Variants in RFX3 observed in about 807,000 individuals in gnomAD.
The protein encoded by RFX3 is transcription factor RFX3.
In RFX3, 14 loss-of-function variants were observed where a neutral mutation model predicts 98.6. The ratio of observed to expected loss-of-function variants is 0.14; its 90% CI spans 0.09 to 0.22. The LOEUF is 0.22. RFX3 is among the 10% of genes least tolerant of loss of function. RFX3 has a pLI of 1.00. For missense variants in RFX3, 639 were observed against 926.9 expected (o/e 0.69, Z 4.03); for synonymous variants, 383 against 328.4 (o/e 1.17, Z -1.80).
chr9:3,431,486 G>C (rs1364097347), intron 1 of RFX3, among the ~76,000 whole-genome samples: 3 of 152,066 alleles, frequency 2.0e-5, no homozygotes, highest in Non-Finnish European at 4.4e-5. Context: ...AATTTATGAA[G>C]TTGTCACTAC....
In RFX3 at chr9:3,331,572, T is replaced by C. The variant is rs934691769; in HGVS notation, c.216-1055A>G. ...TGTATATGTTTTCAGATCTGTCTTATATATATCTTAAAGCCTGGATGTCTT... is the reference window on the plus strand; with the variant it reads ...TGTATATGTTTTCAGATCTGTCTTACATATATCTTAAAGCCTGGATGTCTT... On this transcript the variant is annotated intron_variant, in intron 3 of 16. Coordinates refer to ENST00000617270, the MANE Select transcript of RFX3 (RefSeq NM_001282116.2). Among the ~76,000 whole-genome samples, 9 of 152,282 alleles carry C rather than the reference T, an allele frequency of 5.9e-5. No homozygotes were observed. In the South Asian group the frequency reaches 1.2e-3, roughly 21 times the overall value.
At chr9:3,450,706 A>T (rs754281086) in intron 1 of RFX3, among the ~76,000 whole-genome samples, 2 of 152,214 alleles carry the variant, frequency 1.3e-5, no homozygotes, top group Non-Finnish European at 2.9e-5. Context: ...TTTTTGGTCA[A>T]GGACACACAA....
intron 15 of RFX3, among the ~76,000 whole-genome samples, chr9:3,233,099 G>C (rs1274294621): frequency 6.6e-6 from 1 of 152,212 alleles, no homozygotes; most frequent in African/African-American, 2.4e-5. Flanking sequence ...GTCCTGACTA[G>C]GGTCAAAATA....
rs961689000 is a variant in RFX3, at chr9:3,324,603, G to A, written c.474+5656C>T. On this transcript the variant is annotated intron_variant, in intron 4 of 16. Transcript: ENST00000617270. The stretch of plus-strand genomic sequence containing the variant: ...CATTTGTGTAAAAAAAAAAAAAAGA[G>A]AGAGGGAGTGAAAAAATATATATTC... 5.8e-4 allele frequency among the ~76,000 whole-genome samples: 86 copies of A among 147,990 alleles called. 1 individual carries two copies. The highest frequency in any genetic ancestry group is 2.2e-3 in the African/African-American group (84 of 38,514).
At chr9:3,303,182 G>C (rs1689913897) in intron 4 of RFX3, among the ~76,000 whole-genome samples, 2 of 151,800 alleles carry the variant, frequency 1.3e-5, no homozygotes, top group South Asian at 4.1e-4. Context: ...CTTGAAAATA[G>C]TGATACTGCA....
In RFX3 at chr9:3,519,407, T is replaced by C. The variant is rs1404484823; in HGVS notation, c.-9+6340A>G. ...GGTAAGCAAAGTCTTTCAAAACTTT[T>C]TGGGCTCATTAAAAAAGGGATGGTC... On this transcript the variant is annotated intron_variant, in intron 1 of 16. Coordinates refer to ENST00000617270, the MANE Select transcript of RFX3 (RefSeq NM_001282116.2). 2.6e-5 allele frequency among the ~76,000 whole-genome samples: 4 copies of C among 152,142 alleles called. No homozygotes were observed. In the East Asian group the frequency reaches 7.7e-4, roughly 29 times the overall value.
rs191284020 is a variant in RFX3 at position 3,254,902 on chromosome 9, T to G, written c.1814+2089A>C. ...CACTGGCTTCACTGATGCATACTAG[T>G]GGGTCACAGAGCCAGACAACACCTT... On this transcript the variant is annotated intron_variant, in intron 14 of 16. Coordinates refer to ENST00000617270, the MANE Select transcript of RFX3 (RefSeq NM_001282116.2). Among the ~76,000 whole-genome samples, 978 of 152,252 alleles carry G rather than the reference T, an allele frequency of 6.4e-3. 3 individuals carry two copies. Among genetic ancestry groups the G allele is most frequent in the African/African-American group, 0.022 (928 of 41,548 alleles).
At chr9:3,365,219 G>C (rs1836913989) in intron 2 of RFX3, among the ~76,000 whole-genome samples, 1 of 149,056 alleles carries the variant, frequency 6.7e-6, no homozygotes, top group African/African-American at 2.5e-5. Flanking sequence ...GGAATCGCTT[G>C]AACCCAGGAA....
chr9:3,302,562 G>A (rs1332252590), intron 4 of RFX3, among the ~76,000 whole-genome samples: 1 of 151,854 alleles, frequency 6.6e-6, no homozygotes, highest in South Asian at 2.1e-4. Context: ...CAATTTAAGA[G>A]AGAAAATTGA....
chr9:3,457,231 C>A (rs1331944136), intron 1 of RFX3, among the ~76,000 whole-genome samples: 8 of 149,112 alleles, frequency 5.4e-5, no homozygotes, highest in African/African-American at 2.0e-4. Context: ...GAGAATTCTA[C>A]CTTTTCCTCT....
At chr9:3,444,576 G>T (rs1845875785) in intron 1 of RFX3, among the ~76,000 whole-genome samples, 1 of 152,248 alleles carries the variant, frequency 6.6e-6, no homozygotes, top group Admixed American at 6.5e-5. Flanking sequence ...GCAGTTTATT[G>T]TATGCCAAAT....
At chr9:3,443,770 G>A (rs1275684939) in intron 1 of RFX3, among the ~76,000 whole-genome samples, 1 of 152,162 alleles carries the variant, frequency 6.6e-6, no homozygotes, top group African/African-American at 2.4e-5. Context: ...AAGTCTTTGA[G>A]GAATTGCCAC....
chr9:3,429,943 T>C (rs1173778775), intron 1 of RFX3, among the ~76,000 whole-genome samples: 1 of 152,134 alleles, frequency 6.6e-6, no homozygotes, highest in East Asian at 1.9e-4. Context: ...GCCAAGATAA[T>C]AATCCCATTG....
intron 1 of RFX3, among the ~76,000 whole-genome samples, chr9:3,424,371 T>TGG (rs1843766118): frequency 3.3e-5 from 4 of 121,224 alleles, no homozygotes; most frequent in Admixed American, 7.9e-5. Flanking sequence ...TTTTTTTTTT[T>TGG]TTTTTTTTGA....
chr9:3,515,309 TAC>T (rs1418135976), intron 1 of RFX3, among the ~76,000 whole-genome samples: 2 of 152,152 alleles, frequency 1.3e-5, no homozygotes, highest in Non-Finnish European at 2.9e-5. Context: ...GATAGATATA[TAC>T]AGATATATTG....
At chr9:3,283,317 A>C (rs1826153968) in intron 7 of RFX3, among the ~76,000 whole-genome samples, 1 of 151,728 alleles carries the variant, frequency 6.6e-6, no homozygotes, top group African/African-American at 2.4e-5. Flanking sequence ...ACACTTTAAC[A>C]CTTCCAGTTA....
At chr9:3,306,285 G>A (rs1227909492) in intron 4 of RFX3, among the ~76,000 whole-genome samples, 1 of 151,884 alleles carries the variant, frequency 6.6e-6, no homozygotes, top group Non-Finnish European at 1.5e-5. Flanking sequence ...ATTAGGTTAC[G>A]AGTCAGCTAG....
intron 7 of RFX3, among the ~76,000 whole-genome samples, chr9:3,279,270 T>C (rs1476797160): frequency 6.6e-6 from 1 of 151,788 alleles, no homozygotes; most frequent in Non-Finnish European, 1.5e-5. Context: ...CAACTGATTT[T>C]AGCTTCCCCT....
intron 15 of RFX3, among the ~76,000 whole-genome samples, chr9:3,246,508 T>C (rs541961360): frequency 2.4e-4 from 37 of 152,296 alleles, no homozygotes; most frequent in African/African-American, 8.4e-4. Context: ...ATCCCCGCCA[T>C]CATTATCCTA....
Sources: allele counts gnomAD v4.1 joint callset (sites outside exome capture counted in the v4.1 genomes callset), GRCh38; gene constraint gnomAD v4.1.1; transcripts MANE v1.5; gene names NCBI Gene and HGNC (gene_info 2026-07-23, HGNC 2026-07-21).